PLXDC2: variants seen among roughly 807,000 people sequenced by gnomAD.
PLXDC2 encodes plexin domain-containing protein 2.
A neutral mutation model predicts 68.9 loss-of-function variants in PLXDC2; 40 were observed. The ratio of observed to expected loss-of-function variants is 0.58; its 90% CI spans 0.45 to 0.76. PLXDC2 has a LOEUF of 0.76. Ranked by LOEUF, PLXDC2 falls within the 30% of genes least tolerant of loss-of-function variation. The pLI, the probability that PLXDC2 is intolerant of heterozygous loss-of-function variation, is 0.00. For missense variants in PLXDC2, 644 were observed against 661.9 expected (o/e 0.97, Z 0.30); for synonymous variants, 243 against 234.2 (o/e 1.04, Z -0.34).
chr10:20,100,946 A>G (rs1833414293), intron 4 of PLXDC2, among the ~76,000 whole-genome samples: 2 of 152,124 alleles, frequency 1.3e-5, no homozygotes, highest in Admixed American at 1.3e-4. Context: ...GACAATCACC[A>G]TATTATATTG....
chr10:20,075,921 G>A (rs1324456814), intron 4 of PLXDC2, among the ~76,000 whole-genome samples: 5 of 152,054 alleles, frequency 3.3e-5, no homozygotes, highest in East Asian at 1.9e-4. Context: ...ACTCCCTTAC[G>A]GATGTTTATA....
intron 1 of PLXDC2, among the ~76,000 whole-genome samples, chr10:19,836,595 G>A (rs2131313891): frequency 6.6e-6 from 1 of 152,298 alleles, no homozygotes; most frequent in Middle Eastern, 3.4e-3. Flanking sequence ...AGAAGTGGCA[G>A]CAGGAAAAAT....
At chr10:19,874,358 G>T (rs947596706) in intron 1 of PLXDC2, among the ~76,000 whole-genome samples, 2 of 152,146 alleles carry the variant, frequency 1.3e-5, no homozygotes, top group Admixed American at 1.3e-4. Context: ...TTACTGGTTA[G>T]TACTGAGGGG....
At chr10:19,890,551 T>G (rs868019598) in intron 1 of PLXDC2, among the ~76,000 whole-genome samples, 4 of 151,082 alleles carry the variant, frequency 2.6e-5, no homozygotes, top group Admixed American at 6.6e-5. Flanking sequence ...GGTTTTTTTT[T>G]TTTTGAGCAG....
intron 9 of PLXDC2, among the ~76,000 whole-genome samples, chr10:20,182,690 T>G (rs564068612): frequency 6.6e-6 from 1 of 151,932 alleles, no homozygotes; most frequent in African/African-American, 2.4e-5. Flanking sequence ...TTTTTTTTTT[T>G]AATTTTACTT....
chr10:20,069,248 G>A (rs1011186617), intron 4 of PLXDC2, among the ~76,000 whole-genome samples: 1 of 152,146 alleles, frequency 6.6e-6, no homozygotes, highest in Admixed American at 6.5e-5. Flanking sequence ...GTAACTGGAA[G>A]TTTTTTGAGC....
At chr10:19,916,427 G>T (rs918464925) in intron 1 of PLXDC2, among the ~76,000 whole-genome samples, 1 of 151,546 alleles carries the variant, frequency 6.6e-6, no homozygotes, top group African/African-American at 2.4e-5. Context: ...GGAATTACAG[G>T]TGTGAGCCAT....
intron 9 of PLXDC2, among the ~76,000 whole-genome samples, chr10:20,211,371 G>A (rs1023190402): frequency 1.3e-5 from 2 of 152,160 alleles, no homozygotes; most frequent in Non-Finnish European, 2.9e-5. Flanking sequence ...TCATAGAAGA[G>A]CGATTGGTCT....
chr10:19,906,228 T>C (rs1833155355), intron 1 of PLXDC2, among the ~76,000 whole-genome samples: 1 of 152,092 alleles, frequency 6.6e-6, no homozygotes, highest in South Asian at 2.1e-4. Flanking sequence ...GTGTTATTAT[T>C]ATTCAGGCAC....
intron 9 of PLXDC2, among the ~76,000 whole-genome samples, chr10:20,207,528 A>G (rs1339850566): frequency 6.6e-6 from 1 of 152,194 alleles, no homozygotes; most frequent in Non-Finnish European, 1.5e-5. Flanking sequence ...TGAATTACTT[A>G]TGGTTATGGT....
intron 9 of PLXDC2, among the ~76,000 whole-genome samples, chr10:20,192,121 G>GA (rs1834774589): frequency 6.6e-6 from 1 of 151,982 alleles, no homozygotes; most frequent in South Asian, 2.1e-4. Context: ...ATGAAACTAG[G>GA]AACTGGTGGA....
chr10:20,048,760 A>G (rs1171985111), intron 3 of PLXDC2, among the ~76,000 whole-genome samples: 2 of 152,172 alleles, frequency 1.3e-5, no homozygotes, highest in East Asian at 3.9e-4. Flanking sequence ...CCGCCCCCCA[A>G]GGTAAGACAG....
intron 3 of PLXDC2, among the ~76,000 whole-genome samples, chr10:20,053,642 T>C (rs1486696791): frequency 6.6e-6 from 1 of 152,170 alleles, no homozygotes; most frequent in African/African-American, 2.4e-5. Context: ...CACAGTTTGA[T>C]TCAACTGCCA....
rs116101317 is a variant in PLXDC2, at chr10:20,144,718, C to T, written c.664+1301C>T. Among the ~76,000 whole-genome samples, 550 of 152,222 alleles carry T rather than the reference C, an allele frequency of 3.6e-3. 3 individuals carry two copies. The highest frequency in any genetic ancestry group is 0.013 in the African/African-American group (527 of 41,540). ...ATTCTATGATTACCATGCAAAATTG[C>T]CTTGGGAGTCTATCCTACGGAAACA... On this transcript the variant is annotated intron_variant, in intron 5 of 13. Coordinates refer to ENST00000377252, the MANE Select transcript of PLXDC2 (RefSeq NM_032812.9).
intron 3 of PLXDC2, among the ~76,000 whole-genome samples, chr10:20,054,922 T>C (rs953302247): frequency 3.3e-5 from 5 of 152,280 alleles, no homozygotes; most frequent in African/African-American, 1.2e-4. Context: ...ATATTTCTAT[T>C]TATATCTTTC....
chr10:20,251,912 A>G (rs1179037168), intron 13 of PLXDC2, among the ~76,000 whole-genome samples: 1 of 151,910 alleles, frequency 6.6e-6, no homozygotes, highest in African/African-American at 2.4e-5. Context: ...ATAGCCTTGG[A>G]AAATAGATTC....
At chr10:20,035,314 A>G (rs187444088) in intron 2 of PLXDC2, among the ~76,000 whole-genome samples, 1 of 152,328 alleles carries the variant, frequency 6.6e-6, no homozygotes, top group East Asian at 1.9e-4. Flanking sequence ...AAAGACATGG[A>G]GAAGTTAGAA....
In PLXDC2 at chr10:19,936,197, A is replaced by C. The variant is rs60256466; in HGVS notation, c.113-65578A>C. On this transcript the variant is annotated intron_variant, in intron 1 of 13. Coordinates refer to ENST00000377252, the MANE Select transcript of PLXDC2 (RefSeq NM_032812.9). ...ACCCAGATTTAAGAAGCAGGATTTT[A>C]ATGGGACTCCAGAAGTCCTGTGTAC... Among the ~76,000 whole-genome samples, 1,274 of 152,316 alleles carry C rather than the reference A, an allele frequency of 8.4e-3. 25 individuals are homozygous for C. The highest frequency in any genetic ancestry group is 0.029 in the African/African-American group (1,210 of 41,574).
intron 1 of PLXDC2, among the ~76,000 whole-genome samples, chr10:19,981,799 A>G (rs1436216779): frequency 6.6e-6 from 1 of 152,244 alleles, no homozygotes; most frequent in Admixed American, 6.5e-5. Context: ...ATAATGGATT[A>G]TTTCAAATTA....
Sources: allele counts gnomAD v4.1 joint callset (sites outside exome capture counted in the v4.1 genomes callset), GRCh38; gene constraint gnomAD v4.1.1; transcripts MANE v1.5; gene names NCBI Gene and HGNC (gene_info 2026-07-23, HGNC 2026-07-21).